Variants in CARF observed in about 807,000 individuals in gnomAD.
CARF encodes calcium-responsive transcription factor.
CARF carries 57 observed loss-of-function variants against 82.0 expected under a neutral mutation model. The ratio of observed to expected loss-of-function variants is 0.70; its 90% CI spans 0.56 to 0.87. CARF has a LOEUF of 0.87. CARF is among the 40% of genes least tolerant of loss of function. The pLI is 0.00. For synonymous variants in CARF, 268 were observed against 290.1 expected, an observed-to-expected ratio of 0.92 and a Z score of 0.77; for missense variants, 771 against 855.8, an observed-to-expected ratio of 0.90 and a Z score of 1.24.
At position 202,981,590 on chromosome 2, in the gene CARF, G is replaced by A; in HGVS notation, c.1594G>A (p.Glu532Lys). ...SPGESITTKV[E>K]TNQTRGSLSP... ...AGGAGAATCAATTACCACCAAAGTGGAAACAAATCAGACCAGGGGTTCTTT... is the reference window on the plus strand; with the variant it reads ...AGGAGAATCAATTACCACCAAAGTGAAAACAAATCAGACCAGGGGTTCTTT... The change falls in exon 15 of 17, where the codon GAA becomes AAA. Residue 532 changes from glutamate (E) to lysine (K), a missense_variant. By Grantham distance (56) the Glu-to-Lys change is moderately conservative. Coordinates refer to ENST00000438828, the MANE Select transcript of CARF (RefSeq NM_024744.17). The A allele has an allele frequency of 3.7e-6, 6 of 1,606,754 alleles. No homozygotes were observed. In the East Asian group the frequency reaches 1.3e-4, roughly 36 times the overall value.
At chr2:202,975,471 T>C (rs1246088460) in intron 13 of CARF, among the ~76,000 whole-genome samples, 1 of 151,000 alleles carries the variant, frequency 6.6e-6, no homozygotes, top group African/African-American at 2.4e-5. Context: ...TAGCTGGGTG[T>C]GGTGGCGTGC....
At chr2:202,956,691 T>C (rs1178874726) in intron 8 of CARF, among the ~76,000 whole-genome samples, 3 of 152,184 alleles carry the variant, frequency 2.0e-5, no homozygotes, top group Non-Finnish European at 4.4e-5. Flanking sequence ...CAAAATTCCA[T>C]GTCTGTGTAA....
chr2:202,918,325 C>T (rs1690111931), intron 2 of CARF, among the ~76,000 whole-genome samples: 1 of 152,062 alleles, frequency 6.6e-6, no homozygotes, highest in Admixed American at 6.6e-5. Context: ...TTGAGACCAT[C>T]CTGGCTAACA....
At chr2:202,923,845 C>T (rs774120839) in intron 2 of CARF, among the ~76,000 whole-genome samples, 23 of 152,070 alleles carry the variant, frequency 1.5e-4, no homozygotes, top group African/African-American at 2.7e-4. Context: ...AACTGATTTT[C>T]GACAAAGCAA....
Sources: allele counts gnomAD v4.1 joint callset (sites outside exome capture counted in the v4.1 genomes callset), GRCh38; gene constraint gnomAD v4.1.1; transcripts MANE v1.5; gene names NCBI Gene and HGNC (gene_info 2026-07-23, HGNC 2026-07-21).